The following DNAH2 variants were observed in gnomAD, a reference collection of about 807,000 sequenced individuals.
DNAH2 encodes dynein axonemal heavy chain 2.
Under a neutral mutation model 523.5 loss-of-function variants are expected in DNAH2, and 323 were observed. The ratio of observed to expected loss-of-function variants is 0.62; its 90% CI spans 0.56 to 0.68. DNAH2 has a LOEUF of 0.68. DNAH2 is among the 30% of genes least tolerant of loss of function. The probability of loss-of-function intolerance (pLI) is 0.00; values close to 1 mark genes in which losing one functional copy is unlikely to be tolerated. For missense variants in DNAH2, 4,907 were observed against 5,701.5 expected (o/e 0.86, Z 4.49); for synonymous variants, 2,093 against 2,177.4 (o/e 0.96, Z 1.08).
At chr17:7,748,481 C>A (rs1339306741) in intron 12 of DNAH2, among the ~76,000 whole-genome samples, 1 of 152,120 alleles carries the variant, frequency 6.6e-6, no homozygotes, top group East Asian at 1.9e-4. Flanking sequence ...AAAAAGTCAT[C>A]CCCCAGACAG....
intron 61 of DNAH2, 132 bp downstream of exon 61, chr17:7,805,525 T>A: frequency 7.6e-7 from 1 of 1,323,760 alleles, no homozygotes; most frequent in South Asian, 1.4e-5. Flanking sequence ...CAGGGCCTAG[T>A]AGAAAGGAGA....
chr17:7,782,465 G>A (rs1329375974), intron 39 of DNAH2, among the ~76,000 whole-genome samples: 2 of 152,130 alleles, frequency 1.3e-5, no homozygotes, highest in South Asian at 4.1e-4. Context: ...AGTGCCCCCA[G>A]GTGACTGGAA....
chr17:7,720,370 G>C (rs539299563), intron 2 of DNAH2, among the ~76,000 whole-genome samples: 1 of 152,312 alleles, frequency 6.6e-6, no homozygotes, highest in South Asian at 2.1e-4. Flanking sequence ...TCTGTTGAGG[G>C]CTGTTCTATC....
chr17:7,728,136 A>G (rs1454255168), intron 4 of DNAH2, among the ~76,000 whole-genome samples: 1 of 152,200 alleles, frequency 6.6e-6, no homozygotes, highest in Admixed American at 6.5e-5. Context: ...TAGTTTAGAT[A>G]GATAACTATT....
chr17:7,781,374 G>A (rs970116528), intron 39 of DNAH2, among the ~76,000 whole-genome samples: 6 of 152,182 alleles, frequency 3.9e-5, no homozygotes, highest in Non-Finnish European at 7.3e-5. Context: ...CTACTCGGGA[G>A]GCTGAGGTAG....
At chr17:7,777,134 A>T (rs2076476769) in intron 32 of DNAH2, among the ~76,000 whole-genome samples, 1 of 151,828 alleles carries the variant, frequency 6.6e-6, no homozygotes, top group African/African-American at 2.4e-5. Flanking sequence ...GTCTCAAAAA[A>T]AAAAAAAAAG....
Position 7,798,272 on chromosome 17 carries a change from C to T in DNAH2, c.8346C>T (p.Thr2782=), listed in dbSNP as rs1017744851. The change falls in exon 54 of 86, where the codon ACC becomes ACT. Residue 2782 remains threonine (T), a synonymous_variant. Coordinates refer to ENST00000572933, the MANE Select transcript of DNAH2 (RefSeq NM_020877.5). This position sits in a 1 kb window ranked among gnomAD's most constrained non-coding sequence, Gnocchi z 5.5. The part of the protein sequence containing the change: ...ARLASSICDY[T]TFQIEVTKHY... Reference sequence around the variant, plus strand: ...TGGCTTCATCCATCTGCGACTACACCACCTTCCAGATCGAGGTCACCAAAC... The same window carrying T: ...TGGCTTCATCCATCTGCGACTACACTACCTTCCAGATCGAGGTCACCAAAC... The T allele has an allele frequency of 1.9e-6, 3 of 1,613,856 alleles. No homozygotes were observed. The highest frequency in any genetic ancestry group is 1.6e-4 in the Middle Eastern group (1 of 6,062).
chr17:7,787,044 CG>C lies in DNAH2; in HGVS notation c.6603+13del. The C allele has an allele frequency of 6.2e-7, 1 of 1,613,522 alleles. No individual in the cohort carries two copies. The highest frequency in any genetic ancestry group is 8.5e-7 in the Non-Finnish European group (1 of 1,179,922). On this transcript the variant is annotated intron_variant, in intron 42 of 85. Coordinates refer to ENST00000572933, the MANE Select transcript of DNAH2 (RefSeq NM_020877.5). ...GCGATGCCCGAGCAGGTCAGGGACG[CG>C]GCTGACTCCTGGAGGCCTGCAGAGG... is the stretch of plus-strand genomic sequence containing the variant.
intron 76 of DNAH2, 112 bp from the exon 77 acceptor site, chr17:7,824,425 C>A: frequency 7.1e-7 from 1 of 1,414,794 alleles, no homozygotes; most frequent in Non-Finnish European, 9.3e-7. Context: ...CCAGAAGTGG[C>A]AGATCTTAGT....
intron 24 of DNAH2, among the ~76,000 whole-genome samples, chr17:7,769,380 T>A (rs965539118): frequency 8.5e-5 from 13 of 152,190 alleles, no homozygotes; most frequent in African/African-American, 3.1e-4. Context: ...CAAGATGGTC[T>A]TGAACTCCTG....
chr17:7,752,160 T>TACACAC (rs1555544463), intron 12 of DNAH2, among the ~76,000 whole-genome samples: 2,917 of 124,962 alleles, frequency 0.023, 40 homozygotes, highest in Middle Eastern at 0.036. Context: ...TAAGTCATTT[T>TACACAC]ACACACACAC....
Position 7,759,951 on chromosome 17 carries a change from C to A in DNAH2, c.2785+13C>A. ...CAAACAGTTGTGGGTGAGTGGGCAA[C>A]GGGGAGGGCACAAGGCACAGGGTTT... is the stretch of plus-strand genomic sequence containing the variant. On this transcript the variant is annotated intron_variant, in intron 17 of 85. Coordinates refer to ENST00000572933, the MANE Select transcript of DNAH2 (RefSeq NM_020877.5). 2 of 1,614,130 alleles carry A rather than the reference C, an allele frequency of 1.2e-6. No individual in the cohort carries two copies. Among genetic ancestry groups the A allele is most frequent in the Non-Finnish European group, 1.7e-6 (2 of 1,180,012 alleles).
chr17:7,807,031 T>C lies in DNAH2; in HGVS notation c.9443-119T>C. On this transcript the variant is annotated intron_variant, in intron 61 of 85. Coordinates refer to ENST00000572933, the MANE Select transcript of DNAH2 (RefSeq NM_020877.5). This position sits in a 1 kb window ranked among gnomAD's most constrained non-coding sequence, Gnocchi z 5.6. ...GAACTAGGGGCCAGGTCAGATAATT[T>C]GGCCTTAGGAACTGAGCCCAGGAAA... 2 of 1,208,310 alleles carry C rather than the reference T, an allele frequency of 1.7e-6. No individual in the cohort carries two copies. Among genetic ancestry groups the C allele is most frequent in the Non-Finnish European group, 2.3e-6 (2 of 862,074 alleles). The allele number at this position is 1,208,310 out of a possible 1,614,324, so 74.8% of individuals were successfully genotyped here.
chr17:7,765,598 G>A (rs372624498), intron 21 of DNAH2, 33 bp downstream of exon 21: 6 of 1,588,306 alleles, frequency 3.8e-6, no homozygotes, highest in African/African-American at 1.3e-5. Context: ...CGCTTCTTTA[G>A]CCTTTGTTTA....
At chr17:7,751,862 T>C (rs1425285292) in intron 12 of DNAH2, among the ~76,000 whole-genome samples, 1 of 152,110 alleles carries the variant, frequency 6.6e-6, no homozygotes, top group African/African-American at 2.4e-5. Flanking sequence ...GTTAAATTTA[T>C]AGGTTAACTT....
In DNAH2 at chr17:7,807,489, G is replaced by A. The variant is rs748261017; in HGVS notation, c.9632G>A (p.Arg3211Gln). The change falls in exon 63 of 86, where the codon CGG becomes CAG. Residue 3211 changes from arginine to glutamine, a missense_variant. Arg to Gln is a conservative substitution (Grantham distance 43). Transcript: ENST00000572933. The surrounding 1 kb of genome is among the most constrained non-coding windows in gnomAD (Gnocchi z 5.6). ...CCACAGCTGTATGGGCGGCTATATC[G>A]GGTGGTGGAGCCCAAGCGAATCCGA... Reference protein sequence around the residue: ...RAMELYGRLYRVVEPKRIRMN... With the variant: ...RAMELYGRLYQVVEPKRIRMN... 1.4e-5 allele frequency: 22 copies of A among 1,613,580 alleles called. No homozygotes were observed. Among genetic ancestry groups the A allele is most frequent in the Admixed American group, 1.3e-4 (8 of 60,024 alleles).
At chr17:7,719,967 G>A (rs1358566985) in intron 2 of DNAH2, 67 bp downstream of exon 2, 3 of 1,429,562 alleles carry the variant, frequency 2.1e-6, no homozygotes, top group Non-Finnish European at 2.7e-6. Flanking sequence ...GGGCTTGGAG[G>A]CATTTTAGGG....
At chr17:7,773,052 G>A (rs1444592452) in intron 28 of DNAH2, among the ~76,000 whole-genome samples, 1 of 152,166 alleles carries the variant, frequency 6.6e-6, no homozygotes, top group Non-Finnish European at 1.5e-5. Flanking sequence ...GGGATTATAG[G>A]CATGAGCCAC....
In DNAH2 at chr17:7,777,646, G is replaced by A. The variant is rs769778079; in HGVS notation, c.5247+12G>A. 6.2e-7 allele frequency: 1 copy of A among 1,613,422 alleles called. No homozygotes were observed. Among genetic ancestry groups the A allele is most frequent in the East Asian group, 2.2e-5 (1 of 44,880 alleles). ...TCTACTGGGAGAAGGTGCCAGATGG[G>A]CCACCTCCCCACTCTCTTACCGTAA... On this transcript the variant is annotated intron_variant, in intron 33 of 85. Transcript: ENST00000572933.
Sources: gnomAD v4.1 joint callset for allele counts (sites outside exome capture counted in the v4.1 genomes callset) on GRCh38, gnomAD v4.1.1 for gene constraint, Gnocchi (gnomAD v3.1) non-coding constraint, MANE v1.5 for transcripts, NCBI Gene and HGNC (gene_info 2026-07-23, HGNC 2026-07-21) for gene names.